Variants in SLC12A7 observed in about 807,000 individuals in gnomAD.
The protein encoded by SLC12A7 is K-Cl cotransporter 4.
Under a neutral mutation model 120.6 loss-of-function variants are expected in SLC12A7, and 100 were observed. The observed-to-expected ratio is 0.83, with a 90% CI of 0.71 to 0.98. The LOEUF (loss-of-function observed/expected upper bound fraction) is 0.98, where lower values mean the gene tolerates loss of function less well. Among genes scored for constraint, SLC12A7 ranks in the 50% least tolerant of loss-of-function variants. SLC12A7 has a pLI of 0.00. For missense variants in SLC12A7, 1,373 were observed against 1,548.1 expected, an observed-to-expected ratio of 0.89 and a Z score of 1.90; for synonymous variants, 760 against 678.0, an observed-to-expected ratio of 1.12 and a Z score of -1.88.
chr5:1,151,141 C>T, the SLC12A7 span, among the ~76,000 whole-genome samples: 1 of 152,222 alleles, frequency 6.6e-6, no homozygotes, highest in Non-Finnish European at 1.5e-5. This position sits in a 1 kb window ranked among gnomAD's most constrained non-coding sequence, Gnocchi z 6.2. Flanking sequence ...TCCAGATCCC[C>T]GGGATCCCAG....
chr5:1,121,933 G>A, the SLC12A7 span, among the ~76,000 whole-genome samples: 179 of 152,220 alleles, frequency 1.2e-3, 1 homozygote, highest in Non-Finnish European at 2.0e-3. Context: ...TCAGCTCAGC[G>A]CCCACCCTAG....
chr5:1,114,469 T>C (rs551402296), upstream of SLC12A7, among the ~76,000 whole-genome samples: 6 of 152,110 alleles, frequency 3.9e-5, no homozygotes, highest in South Asian at 6.2e-4. Context: ...AGGGGTCTGG[T>C]GGCCCCTCCC....
chr5:1,057,743 A>C, intron 21 of SLC12A7, 94 bp from the exon 22 acceptor site: 7 of 1,259,702 alleles, frequency 5.6e-6, no homozygotes, highest in Non-Finnish European at 6.6e-6. Flanking sequence ...AGGGCAGCTC[A>C]CAGAACCTGA....
At chr5:1,097,238 C>T (rs976980943) in intron 1 of SLC12A7, among the ~76,000 whole-genome samples, 1 of 152,168 alleles carries the variant, frequency 6.6e-6, no homozygotes, top group Admixed American at 6.5e-5. Context: ...GTAGGAAAAA[C>T]GTGTACACAG....
chr5:1,075,792 TGGGGA>T (rs1488096807), intron 14 of SLC12A7: 3 of 494,938 alleles, frequency 6.1e-6, no homozygotes, highest in Non-Finnish European at 1.1e-5. Flanking sequence ...GCCTGATTCC[TGGGGA>T]GGGGAGTTAA....
the SLC12A7 span, among the ~76,000 whole-genome samples, chr5:1,132,438 T>A: frequency 6.6e-6 from 1 of 152,078 alleles, no homozygotes; most frequent in Admixed American, 6.5e-5. Flanking sequence ...TACTTTCACT[T>A]TATACTCTAT....
At chr5:1,150,562 C>T in the SLC12A7 span, among the ~76,000 whole-genome samples, 1 of 152,154 alleles carries the variant, frequency 6.6e-6, no homozygotes, top group Non-Finnish European at 1.5e-5. Context: ...AACCCAGGTC[C>T]CCTCCAGTGG....
At chr5:1,108,019 AACACACACATACAC>A (rs1742664050) in intron 1 of SLC12A7, among the ~76,000 whole-genome samples, 1 of 41,394 alleles carries the variant, frequency 2.4e-5, no homozygotes, top group Non-Finnish European at 4.9e-5. Context: ...ACAGCATACA[AACACACACATACAC>A]ACACACACGT....
the SLC12A7 span, among the ~76,000 whole-genome samples, chr5:1,124,908 C>T: frequency 2.0e-5 from 3 of 152,194 alleles, no homozygotes; most frequent in African/African-American, 2.4e-5. Flanking sequence ...CGCCCCGCTT[C>T]AGCAAAATCC....
the SLC12A7 span, among the ~76,000 whole-genome samples, chr5:1,131,181 G>A: frequency 1.5e-4 from 23 of 152,260 alleles, no homozygotes; most frequent in Non-Finnish European, 2.8e-4. Context: ...GGGGACTCAC[G>A]GGGACACGTG....
chr5:1,076,789 G>C lies in SLC12A7; in HGVS notation c.1653C>G (p.Asn551Lys). 1 of 1,610,324 alleles carries C rather than the reference G, an allele frequency of 6.2e-7. No homozygotes were observed. Among genetic ancestry groups the C allele is most frequent in the Non-Finnish European group, 8.5e-7 (1 of 1,179,794 alleles). ...FLQVFGHGKA[N>K]GEPTWALLLT... ...GCAGCAGCGCCCACGTGGGCTCCCC[G>C]TTGGCCTTCCCGTGGCCAAACACCT... is the stretch of plus-strand genomic sequence containing the variant. The change falls in exon 13 of 24, where the codon AAC becomes AAG. Residue 551 changes from asparagine to lysine, a missense_variant. Coordinates refer to ENST00000264930, the MANE Select transcript of SLC12A7 (RefSeq NM_006598.3).
rs1363329063 is a variant in SLC12A7 at position 1,111,974 on chromosome 5, G to A, written c.18C>T (p.Thr6=). MPTNF[T]VVPVEAHADG... ...CGGCGTGAGCCTCCACGGGCACCAC[G>A]GTGAAGTTGGTGGGCATGGCCGCCT... Residue 6 remains threonine, a synonymous_variant, in exon 1 of 24, where the codon ACC becomes ACT. Coordinates refer to ENST00000264930, the MANE Select transcript of SLC12A7 (RefSeq NM_006598.3). 3 of 1,288,260 alleles carry A rather than the reference G, an allele frequency of 2.3e-6. No homozygotes were observed. Among genetic ancestry groups the A allele is most frequent in the Admixed American group, 3.2e-5 (1 of 31,666 alleles). The allele number at this position is 1,288,260 out of a possible 1,614,324, so 79.8% of individuals were successfully genotyped here. A position where few individuals can be genotyped will look rare whatever the true frequency, so the allele number is the denominator to read the frequency against.
intron 5 of SLC12A7, among the ~76,000 whole-genome samples, chr5:1,088,022 T>C (rs564771422): frequency 1.3e-5 from 2 of 152,344 alleles, no homozygotes; most frequent in African/African-American, 4.8e-5. Context: ...CAGGAGCCAC[T>C]GGAATCGCCC....
At position 1,078,634 on chromosome 5, in the gene SLC12A7, G is replaced by A. The variant is rs187241888; in HGVS notation, c.1454+67C>T. 2,189 of 1,331,918 alleles carry A rather than the reference G, an allele frequency of 1.6e-3. 3 individuals carry two copies. The highest frequency in any genetic ancestry group is 3.1e-3 in the South Asian group (256 of 83,888). The allele number at this position is 1,331,918 out of a possible 1,614,324, so 82.5% of individuals were successfully genotyped here. ...CCTAGGGCGATGTAATTTCAAAGCC[G>A]AATTCATCCTCAGGAAAACCCTTGA... On this transcript the variant is annotated intron_variant, in intron 11 of 23. Transcript: ENST00000264930.
upstream of SLC12A7, among the ~76,000 whole-genome samples, chr5:1,112,188 G>A (rs1460401843): frequency 6.6e-6 from 1 of 151,952 alleles, no homozygotes; most frequent in Non-Finnish European, 1.5e-5. Flanking sequence ...CCCCAACCCA[G>A]GCTGCGTCTG....
rs377149297 is a variant in SLC12A7, at chr5:1,063,831, C to T, written c.2739+13G>A. ...TCCCCCCGGCCTCCTCCCCTCAAGC[C>T]CTCGGGACTCACCATCTCCACCACC... On this transcript the variant is annotated intron_variant, in intron 20 of 23. Transcript: ENST00000264930. The T allele has an allele frequency of 1.2e-4, 192 of 1,551,644 alleles. 1 individual carries two copies. The African/African-American group carries it at 2.4e-3, about 19-fold the overall frequency.
At position 1,079,478 on chromosome 5, in the gene SLC12A7, T is replaced by A. The variant is rs1468065093; in HGVS notation, c.1316A>T (p.Asn439Ile). The A allele has an allele frequency of 1.2e-6, 2 of 1,612,570 alleles. No individual in the cohort carries two copies. Among genetic ancestry groups the A allele is most frequent in the South Asian group, 2.2e-5 (2 of 91,086 alleles). ...PSVTGIMAGS[N>I]RSGDLKDAQK... is the part of the protein sequence containing the mutation. ...TGCATCCTTGAGGTCCCCGGACCGG[T>A]TTGAACCCGCCATGATACCTGTGAA... Residue 439 changes from asparagine to isoleucine, a missense_variant, in exon 10 of 24, where the codon AAC becomes ATC. Transcript: ENST00000264930.
chr5:1,142,901 GA>G, the SLC12A7 span, among the ~76,000 whole-genome samples: 3 of 152,086 alleles, frequency 2.0e-5, no homozygotes, highest in Non-Finnish European at 4.4e-5. Context: ...TAGGTCAGCA[GA>G]AGAGGAAATG....
At chr5:1,150,528 G>A in the SLC12A7 span, among the ~76,000 whole-genome samples, 3 of 152,354 alleles carry the variant, frequency 2.0e-5, no homozygotes, top group African/African-American at 7.2e-5. Flanking sequence ...AAATTCTGGT[G>A]TATACATGGA....
Sources: allele counts gnomAD v4.1 joint callset (sites outside exome capture counted in the v4.1 genomes callset), GRCh38; gene constraint gnomAD v4.1.1; non-coding constraint Gnocchi (gnomAD v3.1); transcripts MANE v1.5; gene names NCBI Gene and HGNC (gene_info 2026-07-23, HGNC 2026-07-21).